The following PTCHD4 variants were observed in gnomAD, a reference collection of about 807,000 sequenced individuals.
The protein encoded by PTCHD4 is patched domain-containing protein 4.
A neutral mutation model predicts 58.1 loss-of-function variants in PTCHD4; 33 were observed. The observed-to-expected ratio is 0.57, with a 90% CI of 0.43 to 0.76. The LOEUF (loss-of-function observed/expected upper bound fraction) is 0.76. PTCHD4 is among the 30% of genes least tolerant of loss of function. The pLI, the probability that PTCHD4 is intolerant of heterozygous loss-of-function variation, is 0.00. For missense variants in PTCHD4, 1,058 were observed against 1,027.1 expected, an observed-to-expected ratio of 1.03 and a Z score of -0.41; for synonymous variants, 478 against 409.6, an observed-to-expected ratio of 1.17 and a Z score of -2.02.
intron 3 of PTCHD4, among the ~76,000 whole-genome samples, chr6:48,057,893 G>T (rs1764469439): frequency 6.6e-6 from 1 of 152,188 alleles, no homozygotes; most frequent in Admixed American, 6.5e-5. Flanking sequence ...ACATGATCTT[G>T]TAATGTAGAC....
intron 3 of PTCHD4, among the ~76,000 whole-genome samples, chr6:48,033,551 G>C (rs549687039): frequency 6.6e-6 from 1 of 151,486 alleles, no homozygotes; most frequent in African/African-American, 2.4e-5. Flanking sequence ...TGCAAAAAAC[G>C]CCCCAGGCCA....
At chr6:48,084,475 A>G (rs952240947) in intron 1 of PTCHD4, among the ~76,000 whole-genome samples, 1 of 152,136 alleles carries the variant, frequency 6.6e-6, no homozygotes, top group Non-Finnish European at 1.5e-5. Flanking sequence ...GCTCACTACT[A>G]ATTTGTGGAA....
At position 48,103,318 on chromosome 6, in the gene PTCHD4, C is replaced by G. The variant is rs1245145102; in HGVS notation, c.-970+7731G>C. On this transcript the variant is annotated intron_variant, in intron 1 of 4. Transcript: ENST00000339488. The stretch of plus-strand genomic sequence containing the variant: ...ACCAATATCCGCTGTTCTGCAGCTA[C>G]TGCTGCTGATACCCAGGCAAACAGG... 3.3e-5 allele frequency among the ~76,000 whole-genome samples: 5 copies of G among 152,334 alleles called. No homozygotes were observed. The East Asian group carries it at 9.7e-4, about 29-fold the overall frequency.
intron 4 of PTCHD4, among the ~76,000 whole-genome samples, chr6:47,903,871 T>A (rs963202794): frequency 6.6e-6 from 1 of 152,210 alleles, no homozygotes; most frequent in Non-Finnish European, 1.5e-5. Context: ...GGTGGATTTT[T>A]GATAGGGCAG....
At chr6:47,888,747 A>G (rs9381627) in intron 4 of PTCHD4, among the ~76,000 whole-genome samples, 105,616 of 143,946 alleles carry the variant, frequency 0.73, 38,959 homozygotes, top group East Asian at 0.83. Flanking sequence ...ATGCTGGTGC[A>G]CTGCACCCAC....
At chr6:48,001,836 A>G (rs1425586219) in intron 4 of PTCHD4, among the ~76,000 whole-genome samples, 2 of 152,190 alleles carry the variant, frequency 1.3e-5, no homozygotes, top group East Asian at 1.9e-4. Flanking sequence ...TACAGAATGG[A>G]AGAAAATTTT....
rs1423179014 is a variant in PTCHD4 at position 47,876,893 on chromosome 6, C to A, written c.*1410G>T. On this transcript the variant is annotated 3_prime_UTR_variant, in exon 5 of 5. Coordinates refer to ENST00000339488, the MANE Select transcript of PTCHD4 (RefSeq NM_001384253.1). ...TACTTTTGTTTGAGAAAGAATTCAG[C>A]AGCAGTTATAGTTAATATCCCACCT... 6.6e-6 allele frequency among the ~76,000 whole-genome samples: 1 copy of A among 151,946 alleles called. No homozygotes were observed. The highest frequency in any genetic ancestry group is 1.9e-4 in the East Asian group (1 of 5,164).
At chr6:47,990,019 A>G (rs1322517193) in intron 4 of PTCHD4, among the ~76,000 whole-genome samples, 1 of 152,142 alleles carries the variant, frequency 6.6e-6, no homozygotes, top group Non-Finnish European at 1.5e-5. Context: ...AGACCATCGA[A>G]CCCATCTCTT....
At chr6:47,991,875 T>C (rs964130630) in intron 4 of PTCHD4, among the ~76,000 whole-genome samples, 1 of 152,070 alleles carries the variant, frequency 6.6e-6, no homozygotes, top group African/African-American at 2.4e-5. Flanking sequence ...ATTAATTCAA[T>C]CCAAAAGATG....
chr6:47,993,803 T>TATAG (rs1320010291), intron 4 of PTCHD4, among the ~76,000 whole-genome samples: 1 of 152,194 alleles, frequency 6.6e-6, no homozygotes, highest in Admixed American at 6.5e-5. Context: ...CTTAGAAGGA[T>TATAG]ATAGAAATCC....
At chr6:47,974,731 C>T (rs1244830058) in intron 4 of PTCHD4, among the ~76,000 whole-genome samples, 1 of 152,158 alleles carries the variant, frequency 6.6e-6, no homozygotes, top group Non-Finnish European at 1.5e-5. Flanking sequence ...TTATTTCTTG[C>T]TGATTTTCAT....
In PTCHD4 at chr6:48,035,890, T is replaced by A. The variant is rs115905711; in HGVS notation, c.418-26776A>T. On this transcript the variant is annotated intron_variant, in intron 3 of 4. Transcript: ENST00000339488. Reference sequence around the variant, plus strand: ...GCTCCTTGGCTATAAATTCGCACTTTCGTTGGTTGTATTCAGAGTTGAGCC... The same window carrying A: ...GCTCCTTGGCTATAAATTCGCACTTACGTTGGTTGTATTCAGAGTTGAGCC... Among the ~76,000 whole-genome samples, 1,010 of 152,274 alleles carry A rather than the reference T, an allele frequency of 6.6e-3. 10 individuals carry two copies. The highest frequency in any genetic ancestry group is 0.023 in the African/African-American group (954 of 41,580).
intron 4 of PTCHD4, among the ~76,000 whole-genome samples, chr6:47,886,763 T>A (rs1453746928): frequency 3.3e-5 from 5 of 152,230 alleles, no homozygotes; most frequent in African/African-American, 1.2e-4. Flanking sequence ...TTATGTGGGA[T>A]CATTTATCCA....
chr6:47,939,712 GT>G (rs1028641042), intron 4 of PTCHD4, among the ~76,000 whole-genome samples: 2 of 152,048 alleles, frequency 1.3e-5, no homozygotes, highest in African/African-American at 4.8e-5. Flanking sequence ...TCCTGAGGTT[GT>G]TGGGAGGATG....
At chr6:48,078,707 C>G (rs573121914) in intron 1 of PTCHD4, among the ~76,000 whole-genome samples, 2 of 152,094 alleles carry the variant, frequency 1.3e-5, no homozygotes, top group African/African-American at 4.8e-5. Flanking sequence ...TTTCTCTCAG[C>G]AGAAACTCTT....
At chr6:47,890,965 T>A (rs1461424283) in intron 4 of PTCHD4, 1 of 833,056 alleles carries the variant, frequency 1.2e-6, no homozygotes. Flanking sequence ...CCCAGCACTT[T>A]GGGGGGCTGA....
chr6:47,911,110 C>T (rs1765053984), intron 4 of PTCHD4, among the ~76,000 whole-genome samples: 1 of 152,192 alleles, frequency 6.6e-6, no homozygotes, highest in East Asian at 1.9e-4. Flanking sequence ...CCAGTTTTTC[C>T]CCTGGAAAAT....
At chr6:47,912,583 T>G (rs1480349535) in intron 4 of PTCHD4, among the ~76,000 whole-genome samples, 2 of 152,168 alleles carry the variant, frequency 1.3e-5, no homozygotes, top group Non-Finnish European at 2.9e-5. Flanking sequence ...ACTATTACCT[T>G]CCTTCATACC....
intron 4 of PTCHD4, among the ~76,000 whole-genome samples, chr6:47,882,689 G>A (rs1235975426): frequency 7.3e-6 from 1 of 137,686 alleles, no homozygotes; most frequent in Non-Finnish European, 1.6e-5. Flanking sequence ...GGTCTGTTAA[G>A]GGTCAGTTAA....
Sources: gnomAD v4.1 joint callset for allele counts (sites outside exome capture counted in the v4.1 genomes callset) on GRCh38, gnomAD v4.1.1 for gene constraint, MANE v1.5 for transcripts, NCBI Gene and HGNC (gene_info 2026-07-23, HGNC 2026-07-21) for gene names.